Variants in COL5A2 observed in about 807,000 individuals in gnomAD.
COL5A2 encodes the protein collagen type V alpha 2 chain.
A neutral mutation model predicts 208.2 loss-of-function variants in COL5A2; 23 were observed. That is an observed-to-expected ratio of 0.11 (90% CI 0.08 to 0.16). The LOEUF is 0.16. Among genes scored for constraint, COL5A2 ranks in the 10% least tolerant of loss-of-function variants. The probability of loss-of-function intolerance (pLI) is 1.00; values close to 1 mark genes in which losing one functional copy is unlikely to be tolerated. For missense variants in COL5A2, 1,590 were observed against 1,956.4 expected, an observed-to-expected ratio of 0.81 and a Z score of 3.53; for synonymous variants, 625 against 628.5, an observed-to-expected ratio of 0.99 and a Z score of 0.08.
chr2:189,245,657 T>C, the COL5A2 span, among the ~76,000 whole-genome samples: 1 of 152,040 alleles, frequency 6.6e-6, no homozygotes, highest in Non-Finnish European at 1.5e-5. Flanking sequence ...GCTAATTTTT[T>C]TTGTATTTTT....
At chr2:189,122,361 ACT>A (rs1172731491) in intron 1 of COL5A2, among the ~76,000 whole-genome samples, 5 of 152,240 alleles carry the variant, frequency 3.3e-5, no homozygotes, top group Admixed American at 6.5e-5. Flanking sequence ...GGTAAGGAAA[ACT>A]CTGCCTGGGA....
chr2:189,418,601 T>C, the COL5A2 span, among the ~76,000 whole-genome samples: 1 of 152,356 alleles, frequency 6.6e-6, no homozygotes, highest in South Asian at 2.1e-4. Flanking sequence ...CTCTGATTTA[T>C]GGAAAATAGT....
chr2:189,358,519 C>A, the COL5A2 span, among the ~76,000 whole-genome samples: 2 of 152,100 alleles, frequency 1.3e-5, no homozygotes, highest in African/African-American at 4.8e-5. Context: ...ATGCCCCCAG[C>A]TTTGTTCTTT....
chr2:189,296,754 C>T, the COL5A2 span, among the ~76,000 whole-genome samples: 7 of 152,184 alleles, frequency 4.6e-5, no homozygotes, highest in East Asian at 9.6e-4. Flanking sequence ...GAACTCCAAA[C>T]TCTGTCCCTC....
chr2:189,281,876 C>T, the COL5A2 span, among the ~76,000 whole-genome samples: 3 of 152,240 alleles, frequency 2.0e-5, no homozygotes, highest in Non-Finnish European at 2.9e-5. Context: ...CCCTACACTA[C>T]GAAACACATT....
the COL5A2 span, among the ~76,000 whole-genome samples, chr2:189,268,618 A>C: frequency 6.6e-6 from 1 of 152,166 alleles, no homozygotes; most frequent in African/African-American, 2.4e-5. Flanking sequence ...ATACAAGACA[A>C]CATGCTTTTT....
chr2:189,274,481 T>C, the COL5A2 span, among the ~76,000 whole-genome samples: 2 of 152,146 alleles, frequency 1.3e-5, no homozygotes, highest in Non-Finnish European at 2.9e-5. Context: ...TCCTCTGGCA[T>C]CCTCCTCACA....
At chr2:189,048,155 A>G (rs1685708682) in intron 45 of COL5A2, 54 bp downstream of exon 45, 1 of 1,537,546 alleles carries the variant, frequency 6.5e-7, no homozygotes, top group Non-Finnish European at 9.0e-7. Flanking sequence ...GTAAATTAAA[A>G]AGATTTCAGA....
At chr2:189,137,751 T>C (rs1687853878) in intron 1 of COL5A2, among the ~76,000 whole-genome samples, 1 of 152,156 alleles carries the variant, frequency 6.6e-6, no homozygotes, top group Admixed American at 6.5e-5. Flanking sequence ...GCAATACTCA[T>C]GAAGGCTTGA....
chr2:189,440,733 G>T, the COL5A2 span, among the ~76,000 whole-genome samples: 1 of 152,112 alleles, frequency 6.6e-6, no homozygotes, highest in African/African-American at 2.4e-5. Flanking sequence ...AGATTTTAGG[G>T]GTTCCTAACC....
intron 1 of COL5A2, among the ~76,000 whole-genome samples, chr2:189,125,241 G>T (rs1422103787): frequency 1.3e-5 from 2 of 152,062 alleles, no homozygotes; most frequent in African/African-American, 4.8e-5. Flanking sequence ...CAACCATAAG[G>T]GAATAAGGCC....
chr2:189,290,495 T>C, the COL5A2 span, among the ~76,000 whole-genome samples: 2 of 152,162 alleles, frequency 1.3e-5, no homozygotes, highest in Non-Finnish European at 2.9e-5. Context: ...TCAAATACGT[T>C]GAAGACGTAA....
At chr2:189,322,384 C>G in the COL5A2 span, among the ~76,000 whole-genome samples, 2 of 152,022 alleles carry the variant, frequency 1.3e-5, no homozygotes, top group Admixed American at 1.3e-4. Context: ...TCAATGAATA[C>G]AGGAGCTGAC....
chr2:189,133,114 C>CTTTTTTTTTTTTTTTTTTTTTTT (rs751457732), intron 1 of COL5A2: 1 of 63,430 alleles, frequency 1.6e-5, no homozygotes, highest in Non-Finnish European at 3.1e-5. Flanking sequence ...CCAAGTACGA[C>CTTTTTTTTTTTTTTTTTTTTTTT]TTTTTTTTTT....
the COL5A2 span, among the ~76,000 whole-genome samples, chr2:189,420,760 G>A: frequency 2.0e-5 from 3 of 152,194 alleles, no homozygotes; most frequent in South Asian, 6.2e-4. Flanking sequence ...GAGCTTTCCT[G>A]TTCCCATCCT....
At chr2:189,388,086 G>A in the COL5A2 span, among the ~76,000 whole-genome samples, 1 of 152,124 alleles carries the variant, frequency 6.6e-6, no homozygotes, top group East Asian at 1.9e-4. Flanking sequence ...AGCCCAGCCT[G>A]TTAGAGCATC....
In COL5A2 at chr2:189,058,887, G is replaced by A. The variant is rs146005731; in HGVS notation, c.2092C>T (p.Pro698Ser). Reference sequence around the variant, plus strand: ...GGGCCAACTGCTCCGGGATCTCCAGGAACACCCTATAAACACATTTTTTTT... The same window carrying A: ...GGGCCAACTGCTCCGGGATCTCCAGAAACACCCTATAAACACATTTTTTTT... ...EGGKPGDQGV[P>S]GDPGAVGPLG... The change falls in exon 32 of 54, where the codon CCT (proline) becomes TCT (serine). Residue 698 changes from proline to serine, a missense_variant. Physicochemically the swap from Pro to Ser is moderately conservative, Grantham distance 74. Transcript: ENST00000374866. 7.5e-6 allele frequency: 12 copies of A among 1,590,424 alleles called. No homozygotes were observed. Among genetic ancestry groups the A allele is most frequent in the African/African-American group, 1.4e-5 (1 of 69,118 alleles).
the COL5A2 span, among the ~76,000 whole-genome samples, chr2:189,342,179 T>A: frequency 4.7e-5 from 7 of 149,892 alleles, no homozygotes; most frequent in Admixed American, 4.6e-4. Flanking sequence ...CAATTCAGTT[T>A]TAAATGGCTA....
In COL5A2 at chr2:189,062,887, G is replaced by A. The variant is rs766743234; in HGVS notation, c.1955C>T (p.Pro652Leu). The A allele has an allele frequency of 2.5e-6, 4 of 1,613,928 alleles. No homozygotes were observed. The highest frequency in any genetic ancestry group is 3.4e-6 in the Non-Finnish European group (4 of 1,179,992). ...GAPGKDGEVG[P>L]SGPVGPPGLA... is the part of the protein sequence containing the mutation. ...TACCGGCGGGCCCACAGGACCAGAA[G>A]GACCAACTTCACCATCTTTTCCAGG... is the stretch of plus-strand genomic sequence containing the variant. Residue 652 changes from proline (P) to leucine (L), a missense_variant, in exon 29 of 54, where the codon CCT becomes CTT. By Grantham distance (98) the Pro-to-Leu change is moderately conservative. Coordinates refer to ENST00000374866, the MANE Select transcript of COL5A2 (RefSeq NM_000393.5).
Sources: allele counts gnomAD v4.1 joint callset (sites outside exome capture counted in the v4.1 genomes callset), GRCh38; gene constraint gnomAD v4.1.1; transcripts MANE v1.5; gene names NCBI Gene and HGNC (gene_info 2026-07-23, HGNC 2026-07-21).